SNTG1: variants seen among roughly 807,000 people sequenced by gnomAD.
The protein encoded by SNTG1 is syntrophin gamma 1, also known as gamma-1-syntrophin.
In SNTG1, 39 loss-of-function variants were observed where a neutral mutation model predicts 74.7. That is an observed-to-expected ratio of 0.52 (90% confidence interval 0.40 to 0.68). The LOEUF (loss-of-function observed/expected upper bound fraction) is 0.68. Ranked by LOEUF, SNTG1 falls within the 30% of genes least tolerant of loss-of-function variation. The pLI, the probability that SNTG1 is intolerant of heterozygous loss-of-function variation, is 0.00. For synonymous variants in SNTG1, 254 were observed against 217.1 expected, an observed-to-expected ratio of 1.17 and a Z score of -1.49; for missense variants, 685 against 609.5, an observed-to-expected ratio of 1.12 and a Z score of -1.30.
chr8:50,432,141 T>C (rs930832105), intron 4 of SNTG1, among the ~76,000 whole-genome samples: 3 of 152,242 alleles, frequency 2.0e-5, no homozygotes, highest in African/African-American at 7.2e-5. Flanking sequence ...CTTCTAGTAC[T>C]ACTGTGTTTT....
chr8:50,076,378 G>A (rs1191930190), intron 1 of SNTG1, among the ~76,000 whole-genome samples: 1 of 152,078 alleles, frequency 6.6e-6, no homozygotes, highest in East Asian at 1.9e-4. Flanking sequence ...GTTTAAGGTT[G>A]GACAATGTAG....
At chr8:50,486,667 G>A (rs2093797711) in intron 8 of SNTG1, among the ~76,000 whole-genome samples, 1 of 148,286 alleles carries the variant, frequency 6.7e-6, no homozygotes, top group South Asian at 2.2e-4. Context: ...AATTGCCCTG[G>A]CCAGAACTTC....
intron 2 of SNTG1, among the ~76,000 whole-genome samples, chr8:50,345,371 G>T (rs2091441302): frequency 6.6e-6 from 1 of 152,078 alleles, no homozygotes; most frequent in Admixed American, 6.5e-5. Context: ...CCTGCGAGTG[G>T]TCCACCTGCT....
chr8:50,144,863 T>A (rs1232962424), intron 1 of SNTG1, among the ~76,000 whole-genome samples: 2 of 152,122 alleles, frequency 1.3e-5, no homozygotes, highest in East Asian at 3.9e-4. Context: ...TTATTCTGGG[T>A]TTGAGACACT....
At chr8:50,010,044 T>C (rs1815624198) in intron 1 of SNTG1, among the ~76,000 whole-genome samples, 1 of 152,178 alleles carries the variant, frequency 6.6e-6, no homozygotes, top group Non-Finnish European at 1.5e-5. Context: ...TTTTTCCTTT[T>C]TATCAAGTCT....
intron 2 of SNTG1, among the ~76,000 whole-genome samples, chr8:50,287,847 A>G (rs559995027): frequency 1.6e-4 from 25 of 152,266 alleles, no homozygotes; most frequent in African/African-American, 6.0e-4. Context: ...TACTTTATAC[A>G]ACTTTACTTA....
intron 15 of SNTG1, among the ~76,000 whole-genome samples, chr8:50,664,629 T>C (rs772972105): frequency 1.3e-5 from 2 of 152,156 alleles, no homozygotes; most frequent in Non-Finnish European, 2.9e-5. Context: ...CATGATCACC[T>C]GCCTCCCAGA....
At chr8:50,341,750 TA>T (rs1198284990) in intron 2 of SNTG1, among the ~76,000 whole-genome samples, 1 of 152,040 alleles carries the variant, frequency 6.6e-6, no homozygotes, top group African/African-American at 2.4e-5. Flanking sequence ...TGCCAGTTTG[TA>T]GGTGACAGTA....
Position 50,792,764 on chromosome 8 carries a change from A to G in SNTG1, c.1489A>G (p.Asn497Asp). The G allele has an allele frequency of 6.2e-7, 1 of 1,612,632 alleles. No homozygotes were observed. Among genetic ancestry groups the G allele is most frequent in the Non-Finnish European group, 8.5e-7 (1 of 1,178,998 alleles). The change falls in exon 19 of 19, where the codon AAT becomes GAT. Residue 497 changes from asparagine (N) to aspartate (D), a missense_variant. By Grantham distance (23) the Asn-to-Asp change is conservative (BLOSUM62 1). Coordinates refer to ENST00000642720, the MANE Select transcript of SNTG1 (RefSeq NM_018967.5). ...TTGTTTGGACCCTCTATTTTTAGGC[A>G]ATCAAGCTACTGCTTCTACTGCTGC... ...VACLDPLFLG[N>D]QATASTAASS...
At chr8:50,067,401 T>G (rs913595285) in intron 1 of SNTG1, among the ~76,000 whole-genome samples, 1 of 152,214 alleles carries the variant, frequency 6.6e-6, no homozygotes, top group Non-Finnish European at 1.5e-5. Context: ...AAGATAAGAT[T>G]AGTCGAAATA....
chr8:49,991,060 T>C (rs1407630073), intron 1 of SNTG1, among the ~76,000 whole-genome samples: 1 of 152,166 alleles, frequency 6.6e-6, no homozygotes, highest in Admixed American at 6.5e-5. Flanking sequence ...TAGACTTGTA[T>C]ACAGAATACA....
chr8:50,716,758 A>G (rs945425141), intron 17 of SNTG1, among the ~76,000 whole-genome samples: 1 of 148,682 alleles, frequency 6.7e-6, no homozygotes, highest in East Asian at 2.0e-4. Flanking sequence ...TTTGAAACGG[A>G]GTCTCACACT....
chr8:50,552,164 A>G (rs2094430875), intron 11 of SNTG1, among the ~76,000 whole-genome samples: 1 of 152,220 alleles, frequency 6.6e-6, no homozygotes, highest in Non-Finnish European at 1.5e-5. Context: ...ATTGTGTTGC[A>G]CAATGAAGTA....
chr8:50,054,452 T>G (rs988270141), intron 1 of SNTG1, among the ~76,000 whole-genome samples: 1 of 152,146 alleles, frequency 6.6e-6, no homozygotes, highest in African/African-American at 2.4e-5. Context: ...TATCTGTTAC[T>G]GCTATCCTTG....
Position 50,761,708 on chromosome 8 carries a change from T to C in SNTG1, c.1395+9597T>C, listed in dbSNP as rs568869798. Among the ~76,000 whole-genome samples the C allele has an allele frequency of 2.0e-5, 3 of 152,018 alleles. No homozygotes were observed. In the South Asian group the frequency reaches 6.2e-4, roughly 32 times the overall value. On this transcript the variant is annotated intron_variant, in intron 18 of 18. Transcript: ENST00000642720. ...TCTCCTCTACTTTAATCCTTTTAAG[T>C]TGGCAAAAGCACCATTCCAATCACA...
chr8:50,515,519 C>A (rs897532282), intron 9 of SNTG1, among the ~76,000 whole-genome samples: 1 of 151,658 alleles, frequency 6.6e-6, no homozygotes, highest in Admixed American at 6.6e-5. Flanking sequence ...GCAGATCCCA[C>A]CCCCACGGAC....
chr8:50,359,256 G>C (rs763333484), intron 2 of SNTG1, among the ~76,000 whole-genome samples: 5 of 152,134 alleles, frequency 3.3e-5, no homozygotes, highest in Non-Finnish European at 7.3e-5. Flanking sequence ...CCATGTGACA[G>C]GGTCTCCACA....
At chr8:50,527,331 G>C (rs770206298) in intron 9 of SNTG1, among the ~76,000 whole-genome samples, 1 of 152,030 alleles carries the variant, frequency 6.6e-6, no homozygotes, top group Non-Finnish European at 1.5e-5. Flanking sequence ...GTTAGCAGAA[G>C]CTTTATTTCC....
intron 2 of SNTG1, among the ~76,000 whole-genome samples, chr8:50,381,618 T>TTATATATATATCTCCTATTAGTTATATA (rs2092482571): frequency 7.6e-6 from 1 of 132,344 alleles, no homozygotes; most frequent in African/African-American, 2.8e-5. Context: ...CTCCTATTAG[T>TTATATATATATCTCCTATTAGTTATATA]TATATATATA....
Sources: allele counts gnomAD v4.1 joint callset (sites outside exome capture counted in the v4.1 genomes callset), GRCh38; gene constraint gnomAD v4.1.1; transcripts MANE v1.5; gene names NCBI Gene and HGNC (gene_info 2026-07-23, HGNC 2026-07-21).